XIRP2: variants seen among roughly 807,000 people sequenced by gnomAD.
The protein encoded by XIRP2 is xin actin binding repeat containing 2.
XIRP2 carries 236 observed loss-of-function variants against 277.0 expected under a neutral mutation model. The ratio of observed to expected loss-of-function variants is 0.85; its 90% CI spans 0.77 to 0.95. The LOEUF (loss-of-function observed/expected upper bound fraction) is 0.95, where lower values mean the gene tolerates loss of function less well. Ranked by LOEUF, XIRP2 falls within the 40% of genes least tolerant of loss-of-function variation. The pLI is 0.00. For synonymous variants in XIRP2, 1,490 were observed against 1,416.5 expected, an observed-to-expected ratio of 1.05 and a Z score of -1.17; for missense variants, 4,640 against 4,157.5, an observed-to-expected ratio of 1.12 and a Z score of -3.19.
chr2:167,259,524 T>G lies in XIRP2; in HGVS notation c.*1707T>G. 1 of 632,914 alleles carries G rather than the reference T, an allele frequency of 1.6e-6. No homozygotes were observed. 39.2% of individuals were successfully genotyped at this position (632,914 alleles called of 1,614,324 possible). A position where few individuals can be genotyped will look rare whatever the true frequency, so the allele number is the denominator to read the frequency against. ...AATGGGATATTTCTTGTATTACACC[T>G]TGTCATTTTTTTCACAATTTATTTA... On this transcript the variant is annotated 3_prime_UTR_variant, in exon 11 of 11. Coordinates refer to ENST00000409195, the MANE Select transcript of XIRP2 (RefSeq NM_152381.6).
intron 1 of XIRP2, among the ~76,000 whole-genome samples, chr2:166,890,622 A>G (rs1415766368): frequency 6.6e-6 from 1 of 152,162 alleles, no homozygotes; most frequent in Non-Finnish European, 1.5e-5. Flanking sequence ...TTGAAATTTC[A>G]TGAGAGCAAA....
rs191548363 is a variant in XIRP2 at position 167,243,277 on chromosome 2, C to G, written c.1885C>G (p.Leu629Val). ...GTTTGAAACCCAACCCATCGACACA[C>G]TTGGGGCTTATTCTTCTGACACTGT... ...WMFETQPIDT[L>V]GAYSSDTVEN... is the part of the protein sequence containing the mutation. Residue 629 changes from leucine (L) to valine (V), a missense_variant, in exon 9 of 11, where the codon CTT becomes GTT. By Grantham distance (32) the Leu-to-Val change is conservative (BLOSUM62 1). Transcript: ENST00000409195. 230 of 1,613,658 alleles carry G rather than the reference C, an allele frequency of 1.4e-4. 1 individual carries two copies. The highest frequency in any genetic ancestry group is 3.7e-4 in the Admixed American group (22 of 59,992).
intron 2 of XIRP2, among the ~76,000 whole-genome samples, chr2:167,062,410 A>G (rs1314152045): frequency 3.3e-5 from 5 of 152,070 alleles, no homozygotes; most frequent in Non-Finnish European, 7.4e-5. Flanking sequence ...TCCTCAGTTG[A>G]TGTGCTAAAA....
chr2:166,947,367 G>A (rs376255022), intron 2 of XIRP2, among the ~76,000 whole-genome samples: 7 of 152,120 alleles, frequency 4.6e-5, no homozygotes, highest in African/African-American at 1.7e-4. Flanking sequence ...TCTTTAGGGA[G>A]CACTTTGGGA....
intron 3 of XIRP2, among the ~76,000 whole-genome samples, chr2:167,206,054 C>T (rs765645771): frequency 1.3e-5 from 2 of 152,016 alleles, no homozygotes; most frequent in East Asian, 1.9e-4. Flanking sequence ...TAGTGTTCGG[C>T]GTTGTAAAGG....
intron 1 of XIRP2, among the ~76,000 whole-genome samples, chr2:166,900,202 A>T (rs1684346375): frequency 6.6e-6 from 1 of 151,864 alleles, no homozygotes; most frequent in Middle Eastern, 3.4e-3. Context: ...TTCAGATTTG[A>T]TACTTTCTAT....
At chr2:167,178,219 G>A (rs548199693) in intron 3 of XIRP2, among the ~76,000 whole-genome samples, 1 of 152,134 alleles carries the variant, frequency 6.6e-6, no homozygotes, top group South Asian at 2.1e-4. Context: ...ACAGCAATCA[G>A]TTACCTATAT....
At chr2:167,120,216 T>C (rs996060830) in intron 2 of XIRP2, among the ~76,000 whole-genome samples, 1 of 152,186 alleles carries the variant, frequency 6.6e-6, no homozygotes, top group Non-Finnish European at 1.5e-5. Context: ...TGCCACTCCA[T>C]GAACTTTGTC....
intron 2 of XIRP2, among the ~76,000 whole-genome samples, chr2:167,012,202 C>G (rs539243915): frequency 6.6e-6 from 1 of 151,866 alleles, no homozygotes; most frequent in South Asian, 2.1e-4. Context: ...GCATTTAGTG[C>G]TATAAATTTT....
rs75573586 is a variant in XIRP2, at chr2:166,932,622, C to T, written c.408+28732C>T. 4.8e-4 allele frequency among the ~76,000 whole-genome samples: 73 copies of T among 152,132 alleles called. No individual in the cohort carries two copies. In the East Asian group the frequency reaches 8.9e-3, roughly 19 times the overall value. On this transcript the variant is annotated intron_variant, in intron 2 of 10. Coordinates refer to ENST00000409195, the MANE Select transcript of XIRP2 (RefSeq NM_152381.6). ...CTGTGTAAGAAATACTTGCTTACTC[C>T]GGTATTATAATAATATTTCTATATT... is the stretch of plus-strand genomic sequence containing the variant.
intron 2 of XIRP2, among the ~76,000 whole-genome samples, chr2:167,054,269 G>T (rs376404286): frequency 6.6e-6 from 1 of 152,166 alleles, no homozygotes; most frequent in South Asian, 2.1e-4. Flanking sequence ...AATAGATGCT[G>T]TGAAGATTTT....
At chr2:167,101,860 A>G (rs1197849750) in intron 2 of XIRP2, among the ~76,000 whole-genome samples, 1 of 152,192 alleles carries the variant, frequency 6.6e-6, no homozygotes, top group Non-Finnish European at 1.5e-5. Context: ...GTAATTCTCA[A>G]AATATTAATA....
intron 3 of XIRP2, among the ~76,000 whole-genome samples, chr2:167,201,870 A>G (rs1465394883): frequency 6.6e-6 from 1 of 152,180 alleles, no homozygotes; most frequent in Admixed American, 6.5e-5. Flanking sequence ...TTTACGTAAG[A>G]GACTGTGTAG....
In XIRP2 at chr2:167,243,447, T is replaced by C; in HGVS notation, c.2055T>C (p.Thr685=). 1 of 1,613,702 alleles carries C rather than the reference T, an allele frequency of 6.2e-7. No homozygotes were observed. Among genetic ancestry groups the C allele is most frequent in the Non-Finnish European group, 8.5e-7 (1 of 1,179,878 alleles). ...ESAVTISKDI[T]GGDVKTVRYM... Reference sequence around the variant, plus strand: ...CGGTAACTATCAGTAAGGACATAACTGGGGGGGATGTCAAGACTGTGAGAT... The same window carrying C: ...CGGTAACTATCAGTAAGGACATAACCGGGGGGGATGTCAAGACTGTGAGAT... Residue 685 remains threonine, a synonymous_variant, in exon 9 of 11, where the codon ACT becomes ACC. Transcript: ENST00000409195.
intron 2 of XIRP2, among the ~76,000 whole-genome samples, chr2:166,921,918 G>A (rs1164199760): frequency 6.6e-6 from 1 of 152,158 alleles, no homozygotes; most frequent in Admixed American, 6.5e-5. Flanking sequence ...GCTTGTGCCA[G>A]CTCCTCTGGC....
chr2:166,915,756 G>A (rs554633596), intron 2 of XIRP2, among the ~76,000 whole-genome samples: 44 of 152,236 alleles, frequency 2.9e-4, no homozygotes, highest in African/African-American at 9.9e-4. Flanking sequence ...ATGATTTCCT[G>A]TGTTTTCAAT....
At chr2:167,228,228 C>T (rs7601984) in intron 5 of XIRP2, among the ~76,000 whole-genome samples, 22,950 of 152,088 alleles carry the variant, frequency 0.15, 2,153 homozygotes, top group African/African-American at 0.27. Flanking sequence ...CAAATGAAGC[C>T]GCTGGTAGTT....
At chr2:167,195,726 A>G (rs1014455158) in intron 3 of XIRP2, among the ~76,000 whole-genome samples, 8 of 152,218 alleles carry the variant, frequency 5.3e-5, no homozygotes, top group African/African-American at 1.9e-4. Flanking sequence ...ATGCACCAGG[A>G]AAATCACAAG....
At chr2:166,984,040 C>G (rs1012889325) in intron 2 of XIRP2, among the ~76,000 whole-genome samples, 2 of 152,234 alleles carry the variant, frequency 1.3e-5, no homozygotes, top group East Asian at 3.9e-4. Flanking sequence ...CATCTCCCAC[C>G]CAATTTCTCC....
Sources: gnomAD v4.1 joint callset for allele counts (sites outside exome capture counted in the v4.1 genomes callset) on GRCh38, gnomAD v4.1.1 for gene constraint, MANE v1.5 for transcripts, NCBI Gene and HGNC (gene_info 2026-07-23, HGNC 2026-07-21) for gene names.